Variants in GRIP2 observed in about 807,000 individuals in gnomAD.
GRIP2 encodes the protein glutamate receptor interacting protein 2.
Under a neutral mutation model 108.3 loss-of-function variants are expected in GRIP2, and 58 were observed. The ratio of observed to expected loss-of-function variants is 0.54; its 90% CI spans 0.43 to 0.67. The LOEUF is 0.67. Ranked by LOEUF, GRIP2 falls within the 30% of genes least tolerant of loss-of-function variation. The pLI, the probability that GRIP2 is intolerant of heterozygous loss-of-function variation, is 0.00. For missense variants in GRIP2, 1,278 were observed against 1,430.6 expected, an observed-to-expected ratio of 0.89 and a Z score of 1.72; for synonymous variants, 586 against 598.2, an observed-to-expected ratio of 0.98 and a Z score of 0.30.
At chr3:14,527,858 A>G (rs1437904237) in intron 1 of GRIP2, among the ~76,000 whole-genome samples, 1 of 152,140 alleles carries the variant, frequency 6.6e-6, no homozygotes, top group Non-Finnish European at 1.5e-5. Flanking sequence ...ACCGTGCCAC[A>G]TCACTCCAGT....
upstream of GRIP2, among the ~76,000 whole-genome samples, chr3:14,544,213 C>T (rs1052576742): frequency 3.3e-5 from 5 of 152,098 alleles, no homozygotes; most frequent in African/African-American, 9.7e-5. Flanking sequence ...TGCAAACTCA[C>T]GGTCACCACA....
chr3:14,574,940 G>C, the GRIP2 span: 14 of 203,678 alleles, frequency 6.9e-5, no homozygotes, highest in Non-Finnish European at 2.0e-5. Flanking sequence ...TTCAAGCACA[G>C]GTGAAAACAA....
intron 1 of GRIP2, among the ~76,000 whole-genome samples, chr3:14,526,395 A>G (rs1236042536): frequency 1.3e-5 from 2 of 152,148 alleles, no homozygotes; most frequent in African/African-American, 4.8e-5. Context: ...GAGCTCTCTC[A>G]AACGCAGGCA....
At chr3:14,535,992 AC>A (rs982719273) in intron 1 of GRIP2, among the ~76,000 whole-genome samples, 3 of 152,132 alleles carry the variant, frequency 2.0e-5, no homozygotes, top group African/African-American at 7.2e-5. Context: ...TCCAATCCCC[AC>A]GGGCGACAAG....
chr3:14,529,603 T>G (rs1354124062), intron 1 of GRIP2, among the ~76,000 whole-genome samples: 2 of 152,022 alleles, frequency 1.3e-5, no homozygotes, highest in African/African-American at 4.8e-5. Context: ...CTTTGTTTGA[T>G]TATTTTGCTT....
intron 11 of GRIP2, 127 bp from the exon 12 acceptor site, chr3:14,514,605 C>T (rs900901801): frequency 1.1e-6 from 1 of 918,752 alleles, no homozygotes; most frequent in Non-Finnish European, 1.6e-6. Flanking sequence ...CTGACTCAGT[C>T]TGGGACCAGA....
At chr3:14,500,001 G>A (rs1006022841) in intron 21 of GRIP2, among the ~76,000 whole-genome samples, 5 of 152,076 alleles carry the variant, frequency 3.3e-5, no homozygotes, top group African/African-American at 1.2e-4. Context: ...GATAAGCTTG[G>A]TTTAAGATGT....
At chr3:14,517,607 T>C (rs1694290175) in intron 10 of GRIP2, among the ~76,000 whole-genome samples, 165 bp downstream of exon 10, 2 of 146,376 alleles carry the variant, frequency 1.4e-5, no homozygotes, top group South Asian at 4.4e-4. Flanking sequence ...GCTGAAGCGA[T>C]CCTCCCGCCT....
intron 10 of GRIP2, 47 bp downstream of exon 10, chr3:14,517,725 G>T (rs765290495): frequency 6.2e-7 from 1 of 1,602,910 alleles, no homozygotes. Flanking sequence ...CCCCTCCCTA[G>T]GAAAGGCTAC....
chr3:14,595,217 A>C, the GRIP2 span, among the ~76,000 whole-genome samples: 1 of 151,906 alleles, frequency 6.6e-6, no homozygotes, highest in Non-Finnish European at 1.5e-5. Context: ...GCTTTTGTAG[A>C]GATGATGTCT....
chr3:14,578,135 G>A, the GRIP2 span, among the ~76,000 whole-genome samples: 3 of 152,204 alleles, frequency 2.0e-5, no homozygotes, highest in Non-Finnish European at 4.4e-5. Flanking sequence ...CTCTGAAGCT[G>A]AGCCTTTGGG....
upstream of GRIP2, among the ~76,000 whole-genome samples, chr3:14,559,693 C>T (rs575767004): frequency 2.1e-5 from 3 of 141,778 alleles, no homozygotes; most frequent in East Asian, 2.0e-4. Flanking sequence ...GATCCAGGTC[C>T]CACTGAGGAG....
At position 14,514,494 on chromosome 3, in the gene GRIP2, G is replaced by T; in HGVS notation, c.1307-16C>A. On this transcript the variant is annotated splice_polypyrimidine_tract_variant and intron_variant, in intron 11 of 23. Transcript: ENST00000621039. The stretch of plus-strand genomic sequence containing the variant: ...GCTAGCGACACTGTAGGACAGGTGG[G>T]CCCAGCATTCAGGTGAGCCGCCCCA... 6.5e-7 allele frequency: 1 copy of T among 1,536,326 alleles called. No homozygotes were observed. Among genetic ancestry groups the T allele is most frequent in the Non-Finnish European group, 8.8e-7 (1 of 1,137,336 alleles).
At position 14,521,912 on chromosome 3, in the gene GRIP2, A is replaced by G; in HGVS notation, c.567-125T>C. 1.9e-6 allele frequency: 1 copy of G among 528,024 alleles called. No homozygotes were observed. Among genetic ancestry groups the G allele is most frequent in the Non-Finnish European group, 2.9e-6 (1 of 343,412 alleles). The allele number at this position is 528,024 out of a possible 1,614,324, so 32.7% of individuals were successfully genotyped here. A position where few individuals can be genotyped will look rare whatever the true frequency, so the allele number is the denominator to read the frequency against. On this transcript the variant is annotated intron_variant, in intron 6 of 23. Transcript: ENST00000621039. This position sits in a 1 kb window ranked among gnomAD's most constrained non-coding sequence, Gnocchi z 5.1. ...AGGGAATGGGTGGGGGAGGAAGGGG[A>G]GGAGGGGACGGGTGAAGGGGCGCAT...
At chr3:14,532,343 G>C (rs1694730623) in intron 1 of GRIP2, among the ~76,000 whole-genome samples, 1 of 152,152 alleles carries the variant, frequency 6.6e-6, no homozygotes. Context: ...GTCAAGGTCA[G>C]GACTCAGTCT....
chr3:14,558,619 T>G (rs557011763), upstream of GRIP2, among the ~76,000 whole-genome samples: 67 of 152,208 alleles, frequency 4.4e-4, no homozygotes, highest in Non-Finnish European at 8.7e-4. Context: ...TGTCACCAGT[T>G]AACCCTGGAG....
At chr3:14,501,395 A>G (rs939572850) in intron 21 of GRIP2, among the ~76,000 whole-genome samples, 2 of 152,244 alleles carry the variant, frequency 1.3e-5, no homozygotes, top group African/African-American at 4.8e-5. Flanking sequence ...TTACATTAGT[A>G]TCATGTAAAA....
chr3:14,575,807 G>A, the GRIP2 span, among the ~76,000 whole-genome samples: 4 of 152,260 alleles, frequency 2.6e-5, no homozygotes, highest in Non-Finnish European at 5.9e-5. Flanking sequence ...CAGAGCTTGA[G>A]GGGCGGGCTG....
intron 1 of GRIP2, among the ~76,000 whole-genome samples, chr3:14,555,416 G>C (rs963644826): frequency 2.1e-4 from 32 of 152,264 alleles, no homozygotes; most frequent in Admixed American, 6.5e-4. Flanking sequence ...AGACACACAG[G>C]AAAGTCCAGA....
Sources: gnomAD v4.1 joint callset for allele counts (sites outside exome capture counted in the v4.1 genomes callset) on GRCh38, gnomAD v4.1.1 for gene constraint, Gnocchi (gnomAD v3.1) non-coding constraint, MANE v1.5 for transcripts, NCBI Gene and HGNC (gene_info 2026-07-23, HGNC 2026-07-21) for gene names.